The following PTK2B variants were observed in gnomAD, a reference collection of about 807,000 sequenced individuals.
PTK2B encodes protein tyrosine kinase 2 beta.
Under a neutral mutation model 142.9 loss-of-function variants are expected in PTK2B, and 71 were observed. The ratio of observed to expected loss-of-function variants is 0.50; its 90% confidence interval spans 0.41 to 0.61. PTK2B has a LOEUF of 0.61. Ranked by LOEUF, PTK2B falls within the 20% of genes least tolerant of loss-of-function variation. The probability of loss-of-function intolerance (pLI) is 0.00; values close to 1 mark genes in which losing one functional copy is unlikely to be tolerated. For synonymous variants in PTK2B, 519 were observed against 503.4 expected, an observed-to-expected ratio of 1.03 and a Z score of -0.42; for missense variants, 1,105 against 1,320.4, an observed-to-expected ratio of 0.84 and a Z score of 2.53.
upstream of PTK2B, chr8:27,311,451 A>C: frequency 3.2e-6 from 2 of 618,460 alleles, no homozygotes; most frequent in Non-Finnish European, 5.3e-6. Context: ...TGCGCGGGAA[A>C]TCTTGGGAGA....
In PTK2B at chr8:27,333,315, T is replaced by C. The variant is rs1803870749; in HGVS notation, c.-38+7634T>C. 2.6e-5 allele frequency among the ~76,000 whole-genome samples: 4 copies of C among 152,186 alleles called. No individual in the cohort carries two copies. The South Asian group carries it at 8.3e-4, about 32-fold the overall frequency. Reference sequence around the variant, plus strand: ...ATGTGTTTGGGAGTTATCCTGGAAGTCCCAGACAGCCATGGGGCTTTATTC... The same window carrying C: ...ATGTGTTTGGGAGTTATCCTGGAAGCCCCAGACAGCCATGGGGCTTTATTC... On this transcript the variant is annotated intron_variant, in intron 1 of 30. Coordinates refer to ENST00000346049, the MANE Select transcript of PTK2B (RefSeq NM_173176.3).
intron 1 of PTK2B, among the ~76,000 whole-genome samples, chr8:27,394,386 A>G (rs1484721381): frequency 6.6e-6 from 1 of 152,258 alleles, no homozygotes; most frequent in Non-Finnish European, 1.5e-5. Context: ...TGAATGCTGT[A>G]GGCAATTGTA....
intron 2 of PTK2B, among the ~76,000 whole-genome samples, chr8:27,398,032 G>A (rs17057100): frequency 1.3e-5 from 2 of 152,322 alleles, no homozygotes; most frequent in African/African-American, 2.4e-5. Flanking sequence ...CAGATAATTT[G>A]TTTGGCCTCT....
At chr8:27,424,035 T>C (rs1346201725) in intron 5 of PTK2B, among the ~76,000 whole-genome samples, 1 of 152,166 alleles carries the variant, frequency 6.6e-6, no homozygotes, top group Admixed American at 6.5e-5. Context: ...TCTGTGCCTT[T>C]CATCCCTTCT....
chr8:27,453,111 C>G lies in PTK2B; in HGVS notation c.2549-3C>G. 1 of 1,613,982 alleles carries G rather than the reference C, an allele frequency of 6.2e-7. No homozygotes were observed. The highest frequency in any genetic ancestry group is 8.5e-7 in the Non-Finnish European group (1 of 1,179,976). On this transcript the variant is annotated splice_region_variant and splice_polypyrimidine_tract_variant and intron_variant, in intron 27 of 30. Coordinates refer to ENST00000346049, the MANE Select transcript of PTK2B (RefSeq NM_173176.3). ...CCCCCACTTGCTGTTCTTTTTATTG[C>G]AGTGGAGTTCACAGGGCCCCCACAG...
intron 2 of PTK2B, among the ~76,000 whole-genome samples, chr8:27,412,202 T>C (rs1339561836): frequency 6.6e-6 from 1 of 152,118 alleles, no homozygotes; most frequent in Admixed American, 6.5e-5. Flanking sequence ...GGCCACATAA[T>C]TGGACTCAAT....
intron 1 of PTK2B, among the ~76,000 whole-genome samples, chr8:27,331,476 C>CT (rs34956940): frequency 0.71 from 107,624 of 151,470 alleles, 39,376 homozygotes; most frequent in Middle Eastern, 0.82. Context: ...TTTTTCTTTT[C>CT]TTTTTTTGAG....
At chr8:27,424,601 A>G (rs1226537212) in intron 5 of PTK2B, among the ~76,000 whole-genome samples, 1 of 152,250 alleles carries the variant, frequency 6.6e-6, no homozygotes, top group African/African-American at 2.4e-5. Context: ...TAAACCAAAT[A>G]GAAGATTTGC....
At chr8:27,451,353 A>G in intron 26 of PTK2B, 132 bp from the exon 27 acceptor site, 6 of 1,445,554 alleles carry the variant, frequency 4.2e-6, no homozygotes, top group Non-Finnish European at 5.6e-6. Context: ...AGCTGCTCCC[A>G]GAAGCACCCC....
At chr8:27,445,739 T>G in intron 23 of PTK2B, 55 bp from the exon 24 acceptor site, 1 of 1,606,476 alleles carries the variant, frequency 6.2e-7, no homozygotes, top group South Asian at 1.1e-5. Context: ...AGCAGCTAAT[T>G]GTCTACCTTC....
Position 27,363,255 on chromosome 8 carries a change from G to A in PTK2B, c.-37-34293G>A, listed in dbSNP as rs939792517. ...AGAGGGGAGCCAGAGAGGACGTCTCGTGAGAAGTGTTTGGAGGAACTGAGG... is the reference window on the plus strand; with the variant it reads ...AGAGGGGAGCCAGAGAGGACGTCTCATGAGAAGTGTTTGGAGGAACTGAGG... On this transcript the variant is annotated intron_variant, in intron 1 of 30. Transcript: ENST00000346049. This position sits in a 1 kb window ranked among gnomAD's most constrained non-coding sequence, Gnocchi z 4.3. 2.6e-5 allele frequency among the ~76,000 whole-genome samples: 4 copies of A among 152,106 alleles called. No individual in the cohort carries two copies. The highest frequency in any genetic ancestry group is 5.9e-5 in the Non-Finnish European group (4 of 68,022).
intron 1 of PTK2B, among the ~76,000 whole-genome samples, chr8:27,346,833 C>A (rs1455245913): frequency 6.6e-6 from 1 of 152,238 alleles, no homozygotes; most frequent in African/African-American, 2.4e-5. Flanking sequence ...AAAGTTCTTT[C>A]TTTCACTGAG....
At chr8:27,436,177 C>T in intron 14 of PTK2B, 74 bp from the exon 15 acceptor site, 1 of 1,426,158 alleles carries the variant, frequency 7.0e-7, no homozygotes. Flanking sequence ...GGCTTTAGAG[C>T]CTGCAGACAC....
intron 2 of PTK2B, among the ~76,000 whole-genome samples, chr8:27,399,115 G>A (rs1808231077): frequency 6.6e-6 from 1 of 152,166 alleles, no homozygotes; most frequent in South Asian, 2.1e-4. Flanking sequence ...TTTTTGCAAA[G>A]AGCTGATGCC....
chr8:27,313,179 T>G (rs370364386), intron 2 of PTK2B: 3 of 152,252 alleles, frequency 2.0e-5, no homozygotes, highest in African/African-American at 7.2e-5. Flanking sequence ...TGGTAATTCC[T>G]CCTGTGTTCA....
chr8:27,354,279 C>T (rs534945616), intron 1 of PTK2B, among the ~76,000 whole-genome samples: 3 of 152,154 alleles, frequency 2.0e-5, no homozygotes. Context: ...TCTGGACTAA[C>T]CCCCACAGCC....
At chr8:27,410,377 A>C (rs886365480) in intron 2 of PTK2B, among the ~76,000 whole-genome samples, 2 of 152,222 alleles carry the variant, frequency 1.3e-5, no homozygotes, top group African/African-American at 4.8e-5. Context: ...AGCTGTCCCA[A>C]ATCAGGATGA....
chr8:27,433,393 A>G, intron 10 of PTK2B, 42 bp from the exon 11 acceptor site: 1 of 1,556,102 alleles, frequency 6.4e-7, no homozygotes, highest in Non-Finnish European at 8.8e-7. Flanking sequence ...GTCTCTAGCC[A>G]AGGCTCTGGG....
Position 27,437,904 on chromosome 8 carries a change from C to A in PTK2B, c.1643+24C>A, listed in dbSNP as rs374442424. On this transcript the variant is annotated intron_variant, in intron 18 of 30. Coordinates refer to ENST00000346049, the MANE Select transcript of PTK2B (RefSeq NM_173176.3). ...AGGTAGGGGTGGAGGGAGTGGCCAG[C>A]GGTATGGAAGCCAGGCCTTCACCAG... 1.4e-5 allele frequency: 22 copies of A among 1,577,552 alleles called. No individual in the cohort carries two copies. The African/African-American group carries it at 2.7e-4, about 19-fold the overall frequency.
Sources: gnomAD v4.1 joint callset for allele counts (sites outside exome capture counted in the v4.1 genomes callset) on GRCh38, gnomAD v4.1.1 for gene constraint, Gnocchi (gnomAD v3.1) non-coding constraint, MANE v1.5 for transcripts, NCBI Gene and HGNC (gene_info 2026-07-23, HGNC 2026-07-21) for gene names.